CDYL2: variants seen among roughly 807,000 people sequenced by gnomAD.
CDYL2 encodes chromodomain Y like 2, also known as chromodomain Y-like protein 2.
Under a neutral mutation model 49.4 loss-of-function variants are expected in CDYL2, and 23 were observed. The ratio of observed to expected loss-of-function variants is 0.47; its 90% CI spans 0.34 to 0.66. The LOEUF is 0.66. Among genes scored for constraint, CDYL2 ranks in the 30% least tolerant of loss-of-function variants. CDYL2 has a pLI of 0.01. For missense variants in CDYL2, 678 were observed against 656.4 expected (o/e 1.03, Z -0.36); for synonymous variants, 360 against 268.8 (o/e 1.34, Z -3.32).
intron 1 of CDYL2, among the ~76,000 whole-genome samples, chr16:80,732,552 C>T (rs1015797886): frequency 1.3e-5 from 2 of 152,196 alleles, no homozygotes; most frequent in African/African-American, 4.8e-5. Flanking sequence ...CTAGTTATGT[C>T]TGGGAGATGT....
At chr16:80,711,637 C>A (rs148842466) in intron 1 of CDYL2, among the ~76,000 whole-genome samples, 9 of 152,130 alleles carry the variant, frequency 5.9e-5, no homozygotes, top group African/African-American at 1.2e-4. Context: ...CCTCTCTGAG[C>A]CTTCCTTTCA....
rs751376813 is a variant in CDYL2 at position 80,612,446 on chromosome 16, C to T, written c.1218+180G>A. Among the ~76,000 whole-genome samples, 7 of 152,160 alleles carry T rather than the reference C, an allele frequency of 4.6e-5. No individual in the cohort carries two copies. Among genetic ancestry groups the T allele is most frequent in the African/African-American group, 7.2e-5 (3 of 41,452 alleles). On this transcript the variant is annotated intron_variant, in intron 5 of 6. Transcript: ENST00000570137. The surrounding 1 kb of genome is among the most constrained non-coding windows in gnomAD (Gnocchi z 5.0). ...TGCATGGTCCATACACTGACATCAT[C>T]GCCATCTTCTCAGGCCGGGCTACTC...
intron 4 of CDYL2, among the ~76,000 whole-genome samples, chr16:80,616,095 T>C (rs1340225141): frequency 6.6e-6 from 1 of 152,190 alleles, no homozygotes; most frequent in Non-Finnish European, 1.5e-5. Context: ...ACAAAGCTGC[T>C]GGGCTGCACT....
At chr16:80,697,117 A>G (rs997794732) in intron 1 of CDYL2, among the ~76,000 whole-genome samples, 2 of 152,222 alleles carry the variant, frequency 1.3e-5, no homozygotes, top group Non-Finnish European at 2.9e-5. Flanking sequence ...CAAGGACACA[A>G]GAAAAAGAAA....
intron 2 of CDYL2, among the ~76,000 whole-genome samples, chr16:80,641,860 C>T (rs944137024): frequency 1.3e-5 from 2 of 150,806 alleles, no homozygotes; most frequent in Non-Finnish European, 2.9e-5. Context: ...AACAAACCTG[C>T]ACATTGTGCA....
intron 1 of CDYL2, among the ~76,000 whole-genome samples, chr16:80,740,844 A>T (rs1035728605): frequency 5.0e-5 from 7 of 139,810 alleles, no homozygotes; most frequent in Non-Finnish European, 1.1e-4. Context: ...GTGATACACT[A>T]AAAAAAAAAA....
At chr16:80,771,336 G>C (rs1024966616) in intron 1 of CDYL2, among the ~76,000 whole-genome samples, 9 of 152,208 alleles carry the variant, frequency 5.9e-5, no homozygotes, top group African/African-American at 2.2e-4. Context: ...ATGTTGAAAT[G>C]TCAAACACAC....
intron 4 of CDYL2, among the ~76,000 whole-genome samples, chr16:80,616,360 T>C (rs2142370294): frequency 6.6e-6 from 1 of 152,332 alleles, no homozygotes; most frequent in African/African-American, 2.4e-5. Context: ...GCTATTATTA[T>C]GGGTAGTGCA....
intron 2 of CDYL2, among the ~76,000 whole-genome samples, chr16:80,644,090 A>C (rs1908226414): frequency 6.6e-6 from 1 of 152,210 alleles, no homozygotes; most frequent in Non-Finnish European, 1.5e-5. Flanking sequence ...CACCTCTTGA[A>C]TGCTTTGCTG....
intron 2 of CDYL2, among the ~76,000 whole-genome samples, chr16:80,643,923 C>T (rs569351782): frequency 2.0e-5 from 3 of 152,368 alleles, no homozygotes; most frequent in Admixed American, 6.5e-5. Context: ...TAACATTCAG[C>T]TCCTCATTAC....
intron 1 of CDYL2, among the ~76,000 whole-genome samples, chr16:80,793,760 T>C (rs1907681165): frequency 6.6e-6 from 1 of 152,224 alleles, no homozygotes; most frequent in Non-Finnish European, 1.5e-5. Flanking sequence ...CATAAAATAA[T>C]TTCTCAGTGT....
intron 2 of CDYL2, among the ~76,000 whole-genome samples, chr16:80,683,347 A>G (rs1910045161): frequency 6.6e-6 from 1 of 152,220 alleles, no homozygotes; most frequent in African/African-American, 2.4e-5. Context: ...ACTGCACATA[A>G]CTGGCACAAG....
At chr16:80,718,648 G>A (rs1427712497) in intron 1 of CDYL2, among the ~76,000 whole-genome samples, 1 of 152,160 alleles carries the variant, frequency 6.6e-6, no homozygotes, top group Non-Finnish European at 1.5e-5. Flanking sequence ...GAAGGAGCTG[G>A]AAGTCCAGTC....
intron 1 of CDYL2, among the ~76,000 whole-genome samples, chr16:80,719,054 T>C (rs945224584): frequency 9.9e-5 from 15 of 152,180 alleles, no homozygotes; most frequent in African/African-American, 3.6e-4. Flanking sequence ...GCTCCTGAGA[T>C]TCCCCAGGGA....
At chr16:80,684,342 T>G (rs909297163) in intron 2 of CDYL2, among the ~76,000 whole-genome samples, 196 bp downstream of exon 2, 3 of 152,116 alleles carry the variant, frequency 2.0e-5, no homozygotes, top group Non-Finnish European at 4.4e-5. Context: ...CCTCCCCACA[T>G]GCATGAGGGT....
At chr16:80,722,442 G>T (rs1171063730) in intron 1 of CDYL2, among the ~76,000 whole-genome samples, 1 of 152,176 alleles carries the variant, frequency 6.6e-6, no homozygotes, top group Non-Finnish European at 1.5e-5. Flanking sequence ...AACTCACCCT[G>T]ATCTCCCAAA....
At position 80,759,116 on chromosome 16, in the gene CDYL2, A is replaced by AGG. The variant is rs1567597457; in HGVS notation, c.24+45033_24+45034insCC. Among the ~76,000 whole-genome samples the AGG allele has an allele frequency of 4.8e-4, 57 of 119,942 alleles. 1 individual carries two copies. In the East Asian group the frequency reaches 0.013, roughly 27 times the overall value. The allele number at this position is 119,942 out of a possible 152,430, so 78.7% of individuals were successfully genotyped here. On this transcript the variant is annotated intron_variant, in intron 1 of 6. Transcript: ENST00000570137. ...CAAACCATATACTATATATATATAT[A>AGG]TATATATATATATATATATATATGG...
intron 2 of CDYL2, among the ~76,000 whole-genome samples, chr16:80,666,113 C>T (rs929790987): frequency 2.0e-5 from 3 of 152,158 alleles, no homozygotes; most frequent in Admixed American, 6.5e-5. Context: ...GGCAGGCTTG[C>T]TATTCCCGGA....
intron 2 of CDYL2, among the ~76,000 whole-genome samples, chr16:80,683,035 C>G (rs1234251739): frequency 6.6e-6 from 1 of 152,202 alleles, no homozygotes; most frequent in African/African-American, 2.4e-5. Flanking sequence ...CTAAAGACAG[C>G]AAGCTCTTGC....
Sources: gnomAD v4.1 joint callset for allele counts (sites outside exome capture counted in the v4.1 genomes callset) on GRCh38, gnomAD v4.1.1 for gene constraint, Gnocchi (gnomAD v3.1) non-coding constraint, MANE v1.5 for transcripts, NCBI Gene and HGNC (gene_info 2026-07-23, HGNC 2026-07-21) for gene names.